DNAI1: variants seen among roughly 807,000 people sequenced by gnomAD.
The protein encoded by DNAI1 is dynein axonemal intermediate chain 1, also known as dynein, axonemal, intermediate polypeptide 1.
Under a neutral mutation model 92.0 loss-of-function variants are expected in DNAI1, and 67 were observed. That is an observed-to-expected ratio of 0.73 (90% CI 0.60 to 0.89). DNAI1 has a LOEUF of 0.89. DNAI1 is among the 40% of genes least tolerant of loss of function. The probability of loss-of-function intolerance (pLI) is 0.00; values close to 1 mark genes in which losing one functional copy is unlikely to be tolerated. For synonymous variants in DNAI1, 323 were observed against 319.6 expected, an observed-to-expected ratio of 1.01 and a Z score of -0.11; for missense variants, 839 against 866.6, an observed-to-expected ratio of 0.97 and a Z score of 0.40.
At chr9:34,461,130 C>G (rs896401080) in intron 1 of DNAI1, among the ~76,000 whole-genome samples, 5 of 152,280 alleles carry the variant, frequency 3.3e-5, no homozygotes, top group African/African-American at 1.2e-4. Context: ...GTGTGGGCCA[C>G]CGCACCCAGC....
At chr9:34,474,852 C>T (rs1824209867) in intron 1 of DNAI1, among the ~76,000 whole-genome samples, 1 of 152,106 alleles carries the variant, frequency 6.6e-6, no homozygotes, top group Admixed American at 6.5e-5. Flanking sequence ...CAGGTGTGAG[C>T]CACCGTGTCC....
chr9:34,520,542 A>G lies in DNAI1; in HGVS notation c.2002-116A>G, dbSNP rs979415015. The G allele has an allele frequency of 8.6e-5, 79 of 917,596 alleles. No individual in the cohort carries two copies. The African/African-American group carries it at 1.0e-3, about 12-fold the overall frequency. 56.8% of individuals were successfully genotyped at this position (917,596 alleles called of 1,614,324 possible). ...GAGGGGAGGCAGGGATCCAGAATTT[A>G]CTGGGCAGGGGAGGGGTAGGGCACA... On this transcript the variant is annotated intron_variant, in intron 19 of 19. Transcript: ENST00000242317.
intron 1 of DNAI1, among the ~76,000 whole-genome samples, chr9:34,477,977 C>T (rs1824272326): frequency 7.0e-6 from 1 of 143,036 alleles, no homozygotes; most frequent in Non-Finnish European, 1.5e-5. Flanking sequence ...ACCTCTGCCT[C>T]CCGGGTTCAA....
Position 34,493,204 on chromosome 9 carries a change from A to T in DNAI1, c.692A>T (p.Tyr231Phe), listed in dbSNP as rs577672150. The T allele has an allele frequency of 1.2e-6, 2 of 1,614,204 alleles. No individual in the cohort carries two copies. The highest frequency in any genetic ancestry group is 1.1e-5 in the South Asian group (1 of 91,088). ...FSATANQWEI[Y>F]DAYVEELEKQ... ...CTCACCCTTGCCTAGTGGGAGATCT[A>T]TGATGCCTATGTAGAGGAACTTGAG... is the stretch of plus-strand genomic sequence containing the variant. Residue 231 changes from tyrosine (Y) to phenylalanine (F), a missense_variant, in exon 9 of 20, where the codon TAT becomes TTT. By Grantham distance (22) the Tyr-to-Phe change is conservative. Coordinates refer to ENST00000242317, the MANE Select transcript of DNAI1 (RefSeq NM_012144.4).
chr9:34,467,663 T>C (rs568751413), intron 1 of DNAI1, among the ~76,000 whole-genome samples: 12 of 152,146 alleles, frequency 7.9e-5, no homozygotes, highest in Admixed American at 2.0e-4. Context: ...AAATGCAGTA[T>C]ATATATAACC....
In DNAI1 at chr9:34,458,850, G is replaced by A; in HGVS notation, c.-156G>A. 1.4e-6 allele frequency: 1 copy of A among 722,790 alleles called. No homozygotes were observed. The highest frequency in any genetic ancestry group is 2.5e-6 in the Non-Finnish European group (1 of 395,178). The allele number at this position is 722,790 out of a possible 1,614,324, so 44.8% of individuals were successfully genotyped here. A position where few individuals can be genotyped will look rare whatever the true frequency, so the allele number is the denominator to read the frequency against. ...AGGGAGTTGGATTCTATCCTGCAAG[G>A]GCACGGGGACCCACAACGACGGCTG... On this transcript the variant is annotated 5_prime_UTR_variant, in exon 1 of 20. Coordinates refer to ENST00000242317, the MANE Select transcript of DNAI1 (RefSeq NM_012144.4). The surrounding 1 kb of genome is among the most constrained non-coding windows in gnomAD (Gnocchi z 6.6).
At chr9:34,507,974 C>T (rs1211542772) in intron 13 of DNAI1, among the ~76,000 whole-genome samples, 2 of 152,224 alleles carry the variant, frequency 1.3e-5, no homozygotes, top group East Asian at 3.8e-4. Flanking sequence ...GTTTCACTCT[C>T]AGAGGGTCTC....
intron 1 of DNAI1, among the ~76,000 whole-genome samples, chr9:34,479,930 A>C (rs1824317819): frequency 6.6e-6 from 1 of 152,178 alleles, no homozygotes; most frequent in Non-Finnish European, 1.5e-5. Flanking sequence ...ATCATGCAAG[A>C]GCTGCAAGAG....
intron 7 of DNAI1, chr9:34,491,291 C>T: frequency 1.6e-6 from 1 of 639,596 alleles, no homozygotes; most frequent in Non-Finnish European, 2.8e-6. Flanking sequence ...GCTTATACTT[C>T]TTCTGAAGGA....
chr9:34,492,494 A>AGAT (rs1491328803), intron 8 of DNAI1, among the ~76,000 whole-genome samples: 1 of 8,958 alleles, frequency 1.1e-4, no homozygotes, highest in Non-Finnish European at 2.4e-4. Context: ...GGATATGAAG[A>AGAT]TATATATATA....
At chr9:34,481,403 A>G (rs1588093429) in intron 1 of DNAI1, among the ~76,000 whole-genome samples, 1 of 152,196 alleles carries the variant, frequency 6.6e-6, no homozygotes, top group African/African-American at 2.4e-5. Flanking sequence ...ACTGATGCTG[A>G]AACTGGGTTG....
intron 1 of DNAI1, among the ~76,000 whole-genome samples, chr9:34,479,540 A>T (rs1408005540): frequency 6.6e-6 from 1 of 152,144 alleles, no homozygotes; most frequent in African/African-American, 2.4e-5. Context: ...CAGTTCTTTT[A>T]TTGCCAGATA....
chr9:34,497,993 C>T (rs1824759002), intron 10 of DNAI1, among the ~76,000 whole-genome samples: 8 of 152,204 alleles, frequency 5.3e-5, no homozygotes, highest in Admixed American at 5.2e-4. Flanking sequence ...TGTGACCTAT[C>T]TCTGCAGACA....
intron 3 of DNAI1, 21 bp from the exon 4 acceptor site, chr9:34,485,416 C>T (rs748871482): frequency 1.9e-6 from 3 of 1,613,822 alleles, no homozygotes; most frequent in East Asian, 2.2e-5. Flanking sequence ...GTATGACCCT[C>T]TTGGTATTTT....
At position 34,458,918 on chromosome 9, in the gene DNAI1, G is replaced by A. The variant is rs1823878693; in HGVS notation, c.-88G>A. On this transcript the variant is annotated 5_prime_UTR_variant, in exon 1 of 20. Transcript: ENST00000242317. This position sits in a 1 kb window ranked among gnomAD's most constrained non-coding sequence, Gnocchi z 6.6. ...CGACTGGTAACTGAAGTGGAAGAGAGTCCAGATTTCTTGTGTGTGGTCAAG... is the reference window on the plus strand; with the variant it reads ...CGACTGGTAACTGAAGTGGAAGAGAATCCAGATTTCTTGTGTGTGGTCAAG... 2 of 1,194,154 alleles carry A rather than the reference G, an allele frequency of 1.7e-6. No homozygotes were observed. The highest frequency in any genetic ancestry group is 2.5e-6 in the Non-Finnish European group (2 of 801,060). 74.0% of individuals were successfully genotyped at this position (1,194,154 alleles called of 1,614,324 possible). A position where few individuals can be genotyped will look rare whatever the true frequency, so the allele number is the denominator to read the frequency against.
intron 11 of DNAI1, 148 bp from the exon 12 acceptor site, chr9:34,500,990 C>A (rs1412731725): frequency 2.1e-6 from 2 of 963,050 alleles, no homozygotes; most frequent in Non-Finnish European, 3.4e-6. Flanking sequence ...ATCACAAGAC[C>A]ACCCCCAGGA....
intron 13 of DNAI1, among the ~76,000 whole-genome samples, chr9:34,508,983 C>G (rs765043162): frequency 1.1e-4 from 17 of 152,224 alleles, no homozygotes; most frequent in Non-Finnish European, 2.2e-4. Flanking sequence ...CTCATTCCTT[C>G]CTCCCTCCTT....
intron 9 of DNAI1, among the ~76,000 whole-genome samples, chr9:34,496,156 G>C (rs1248409107): frequency 6.6e-6 from 1 of 152,088 alleles, no homozygotes; most frequent in Non-Finnish European, 1.5e-5. Context: ...AGGAGTCTAA[G>C]ACTCAGAGAA....
intron 8 of DNAI1, among the ~76,000 whole-genome samples, chr9:34,492,509 T>TAGATATAGATATAG (rs1564033913): frequency 1.0e-5 from 1 of 95,626 alleles, no homozygotes; most frequent in African/African-American, 3.7e-5. Flanking sequence ...TATATATATA[T>TAGATATAGATATAG]ATATATATAT....
Sources: allele counts gnomAD v4.1 joint callset (sites outside exome capture counted in the v4.1 genomes callset), GRCh38; gene constraint gnomAD v4.1.1; non-coding constraint Gnocchi (gnomAD v3.1); transcripts MANE v1.5; gene names NCBI Gene and HGNC (gene_info 2026-07-23, HGNC 2026-07-21).